Variants in MAP2 observed in about 807,000 individuals in gnomAD.
MAP2 encodes microtubule-associated protein 2.
MAP2 carries 14 observed loss-of-function variants against 137.6 expected under a neutral mutation model. The observed-to-expected ratio is 0.10, with a 90% CI of 0.07 to 0.16. MAP2 has a LOEUF of 0.16. Among genes scored for constraint, MAP2 ranks in the 10% least tolerant of loss-of-function variants. The pLI is 1.00. For missense variants in MAP2, 2,088 were observed against 2,191.5 expected, an observed-to-expected ratio of 0.95 and a Z score of 0.94; for synonymous variants, 786 against 782.3, an observed-to-expected ratio of 1.00 and a Z score of -0.08.
chr2:209,609,275 T>C (rs990669195), intron 3 of MAP2, among the ~76,000 whole-genome samples: 2 of 152,178 alleles, frequency 1.3e-5, no homozygotes, highest in African/African-American at 4.8e-5. Flanking sequence ...TTTTGATTTT[T>C]CTATCAAAAT....
In MAP2 at chr2:209,696,098, C is replaced by T. The variant is rs757229807; in HGVS notation, c.3928C>T (p.Arg1310Cys). 21 of 1,613,838 alleles carry T rather than the reference C, an allele frequency of 1.3e-5. No homozygotes were observed. The highest frequency in any genetic ancestry group is 3.3e-5 in the Admixed American group (2 of 59,994). The change falls in exon 8 of 16, where the codon CGT becomes TGT. Residue 1310 changes from arginine to cysteine, a missense_variant. Arg to Cys is a radical substitution (Grantham distance 180, BLOSUM62 -3). Around this residue, in one of 6 missense-constraint regions of MAP2, gnomAD observed 591 missense variants for 642.6 expected, o/e 0.92. Transcript: ENST00000682079. ...DEGESGSHSV[R>C]FAALEQPEVE... ...AGGGGAGTCAGGGTCCCACAGCGTG[C>T]GTTTTGCAGCCCTAGAGCAGCCTGA...
intron 15 of MAP2, 51 bp downstream of exon 15, chr2:209,730,013 T>C (rs371110915): frequency 6.6e-6 from 9 of 1,360,716 alleles, no homozygotes; most frequent in Non-Finnish European, 9.4e-6. Context: ...AAAATTCTTC[T>C]GAAATACTCT....
chr2:209,499,436 T>G (rs2060125271), intron 1 of MAP2, among the ~76,000 whole-genome samples: 1 of 152,212 alleles, frequency 6.6e-6, no homozygotes. Context: ...CTCATCTTTC[T>G]GTCTTCTTCT....
At chr2:209,564,698 T>C (rs1257798758) in intron 2 of MAP2, among the ~76,000 whole-genome samples, 1 of 152,058 alleles carries the variant, frequency 6.6e-6, no homozygotes, top group Non-Finnish European at 1.5e-5. Flanking sequence ...GTGGTGGTTG[T>C]TTTGAACCAC....
At position 209,695,348 on chromosome 2, in the gene MAP2, C is replaced by T; in HGVS notation, c.3178C>T (p.Leu1060=). The part of the protein sequence containing the change: ...ISDFGQMASG[L]NIDDRRATEL... Reference sequence around the variant, plus strand: ...TGACTTTGGACAGATGGCTTCAGGGCTAAACATAGATGATAGAAGGGCAAC... The same window carrying T: ...TGACTTTGGACAGATGGCTTCAGGGTTAAACATAGATGATAGAAGGGCAAC... Residue 1060 remains leucine (L), a synonymous_variant, in exon 8 of 16, where the codon CTA becomes TTA. Transcript: ENST00000682079. 1 of 1,613,884 alleles carries T rather than the reference C, an allele frequency of 6.2e-7. No homozygotes were observed. Among genetic ancestry groups the T allele is most frequent in the South Asian group, 1.1e-5 (1 of 91,044 alleles).
chr2:209,503,951 T>A (rs1224863514), intron 1 of MAP2, among the ~76,000 whole-genome samples: 1 of 152,046 alleles, frequency 6.6e-6, no homozygotes, highest in African/African-American at 2.4e-5. Context: ...CAAAAATTAG[T>A]TGGGTGTGGT....
chr2:209,550,619 G>C (rs2068977276), intron 2 of MAP2, among the ~76,000 whole-genome samples: 2 of 152,038 alleles, frequency 1.3e-5, no homozygotes, highest in Admixed American at 1.3e-4. Flanking sequence ...GCCAGATATA[G>C]CTGAATGTGT....
intron 1 of MAP2, among the ~76,000 whole-genome samples, chr2:209,454,450 C>G (rs765599008): frequency 1.5e-4 from 23 of 152,016 alleles, no homozygotes; most frequent in Non-Finnish European, 3.1e-4. Flanking sequence ...TTCTCCCTCC[C>G]TCAGCCTCCC....
chr2:209,427,572 A>T (rs1214301228), intron 1 of MAP2, among the ~76,000 whole-genome samples: 1 of 151,956 alleles, frequency 6.6e-6, no homozygotes, highest in Non-Finnish European at 1.5e-5. Flanking sequence ...CGACATTTGG[A>T]TGTTAGACTT....
At chr2:209,501,886 A>G (rs778398452) in intron 1 of MAP2, among the ~76,000 whole-genome samples, 2 of 152,164 alleles carry the variant, frequency 1.3e-5, no homozygotes, top group Admixed American at 1.3e-4. Flanking sequence ...AAGCAAGCAA[A>G]CAAACAGAAG....
chr2:209,730,565 G>T lies in MAP2; in HGVS notation c.*168G>T. The T allele has an allele frequency of 1.6e-6, 1 of 607,086 alleles. No individual in the cohort carries two copies. The highest frequency in any genetic ancestry group is 2.9e-6 in the Non-Finnish European group (1 of 347,364). 37.6% of individuals were successfully genotyped at this position (607,086 alleles called of 1,614,324 possible). A position where few individuals can be genotyped will look rare whatever the true frequency, so the allele number is the denominator to read the frequency against. The stretch of plus-strand genomic sequence containing the variant: ...TCTATTTAAAAAATGAATAGTACAT[G>T]CAGAAATTGACCTGATTTCCATTTG... On this transcript the variant is annotated 3_prime_UTR_variant, in exon 16 of 16. Transcript: ENST00000682079.
intron 1 of MAP2, among the ~76,000 whole-genome samples, chr2:209,486,634 A>C (rs1391521966): frequency 6.6e-6 from 1 of 152,214 alleles, no homozygotes; most frequent in African/African-American, 2.4e-5. Flanking sequence ...CTAAAGATGA[A>C]ATTGGTCAGA....
At chr2:209,567,612 G>A (rs1045017212) in intron 2 of MAP2, among the ~76,000 whole-genome samples, 9 of 151,212 alleles carry the variant, frequency 6.0e-5, no homozygotes, top group African/African-American at 1.9e-4. Flanking sequence ...ATTGAGTTCC[G>A]TTTTACAGAA....
chr2:209,494,985 C>G (rs984357182), intron 1 of MAP2, among the ~76,000 whole-genome samples: 7 of 152,200 alleles, frequency 4.6e-5, no homozygotes, highest in Admixed American at 1.3e-4. Flanking sequence ...TATATGCTGG[C>G]CATATATGTG....
intron 1 of MAP2, among the ~76,000 whole-genome samples, chr2:209,452,198 T>C (rs372343242): frequency 6.6e-6 from 1 of 152,126 alleles, no homozygotes; most frequent in Non-Finnish European, 1.5e-5. Flanking sequence ...GGTATTTTTC[T>C]CCTTTAGAGA....
intron 1 of MAP2, among the ~76,000 whole-genome samples, chr2:209,498,389 G>A (rs1387833932): frequency 5.9e-5 from 9 of 152,134 alleles, no homozygotes; most frequent in Admixed American, 5.2e-4. Flanking sequence ...GAGTGCCTGT[G>A]GCTTTTCCAG....
At chr2:209,435,981 C>CTGT (rs1695964526) in intron 1 of MAP2, among the ~76,000 whole-genome samples, 2 of 103,234 alleles carry the variant, frequency 1.9e-5, no homozygotes, top group African/African-American at 1.3e-4. Flanking sequence ...ATAATATATA[C>CTGT]AGTATATATT....
chr2:209,589,700 A>G (rs1304543012), intron 3 of MAP2, among the ~76,000 whole-genome samples: 1 of 152,214 alleles, frequency 6.6e-6, no homozygotes, highest in Non-Finnish European at 1.5e-5. Flanking sequence ...AATATTATTG[A>G]TGTAAAACAC....
At chr2:209,489,118 C>G (rs892543926) in intron 1 of MAP2, among the ~76,000 whole-genome samples, 2 of 152,194 alleles carry the variant, frequency 1.3e-5, no homozygotes, top group Admixed American at 6.5e-5. Flanking sequence ...TACTGTCCTG[C>G]AACCTTCGCT....
Sources: allele counts gnomAD v4.1 joint callset (sites outside exome capture counted in the v4.1 genomes callset), GRCh38; gene constraint gnomAD v4.1.1; regional missense constraint gnomAD v4.1.1; transcripts MANE v1.5; gene names NCBI Gene and HGNC (gene_info 2026-07-23, HGNC 2026-07-21).